TSHZ3: variants seen among roughly 807,000 people sequenced by gnomAD.
TSHZ3 encodes teashirt homolog 3.
In TSHZ3, 10 loss-of-function variants were observed where a neutral mutation model predicts 64.5. That is an observed-to-expected ratio of 0.16 (90% CI 0.10 to 0.26). TSHZ3 has a LOEUF of 0.26. Among genes scored for constraint, TSHZ3 ranks in the 10% least tolerant of loss-of-function variants. The pLI, the probability that TSHZ3 is intolerant of heterozygous loss-of-function variation, is 1.00. For synonymous variants in TSHZ3, 608 were observed against 593.1 expected, an observed-to-expected ratio of 1.03 and a Z score of -0.36; for missense variants, 1,242 against 1,421.7, an observed-to-expected ratio of 0.87 and a Z score of 2.03.
At chr19:31,201,759 A>T (rs966333135) in intron 5 of TSHZ3, among the ~76,000 whole-genome samples, 4 of 152,148 alleles carry the variant, frequency 2.6e-5, no homozygotes, top group African/African-American at 9.7e-5. Flanking sequence ...AAGAAATAAA[A>T]GTTGGAAATG....
chr19:31,225,333 C>T (rs1365805215), intron 4 of TSHZ3, among the ~76,000 whole-genome samples: 1 of 152,152 alleles, frequency 6.6e-6, no homozygotes, highest in East Asian at 1.9e-4. Flanking sequence ...GGGGGATAAG[C>T]TGAATATATT....
chr19:31,303,885 G>C (rs1976797542), intron 1 of TSHZ3, among the ~76,000 whole-genome samples: 1 of 152,132 alleles, frequency 6.6e-6, no homozygotes, highest in African/African-American at 2.4e-5. Flanking sequence ...CATGGATCCT[G>C]ACTAGGGCCA....
At chr19:31,164,855 T>G (rs1221062044) in intron 5 of TSHZ3, among the ~76,000 whole-genome samples, 2 of 152,152 alleles carry the variant, frequency 1.3e-5, no homozygotes, top group South Asian at 2.1e-4. Context: ...CCACCCATCG[T>G]CTTTGATTTA....
intron 1 of TSHZ3, among the ~76,000 whole-genome samples, chr19:31,303,348 G>A (rs879139423): frequency 6.6e-6 from 1 of 152,222 alleles, no homozygotes; most frequent in Non-Finnish European, 1.5e-5. Flanking sequence ...GACATTGGTC[G>A]TGCTGCAACA....
intron 5 of TSHZ3, among the ~76,000 whole-genome samples, chr19:31,191,553 T>C (rs756507864): frequency 3.3e-5 from 5 of 152,146 alleles, no homozygotes; most frequent in Non-Finnish European, 7.4e-5. Context: ...TTAGTCCACA[T>C]GACAGAAGGA....
At position 31,279,656 on chromosome 19, in the gene TSHZ3, A is replaced by G. The variant is rs1228128175; in HGVS notation, c.137T>C (p.Met46Thr). The G allele has an allele frequency of 1.2e-6, 2 of 1,606,944 alleles. No homozygotes were observed. Among genetic ancestry groups the G allele is most frequent in the African/African-American group, 1.3e-5 (1 of 74,718 alleles). The change falls in exon 2 of 2, where the codon ATG becomes ACG. Residue 46 changes from methionine to threonine, a missense_variant. By Grantham distance (81) the Met-to-Thr change is moderately conservative. Transcript: ENST00000240587. This position sits in a 1 kb window ranked among gnomAD's most constrained non-coding sequence, Gnocchi z 6.4. ...CCTGGCGAGCTCCTTCTCCGGGCAC[A>G]TGTACTTGGCCGAGGGCTCTCCATC... Reference protein sequence around the residue: ...TADGEPSAKYMCPEKELARAC... With the variant: ...TADGEPSAKYTCPEKELARAC...
intron 5 of TSHZ3, among the ~76,000 whole-genome samples, chr19:31,204,463 T>C (rs1169745855): frequency 6.6e-6 from 1 of 152,016 alleles, no homozygotes; most frequent in Non-Finnish European, 1.5e-5. Flanking sequence ...GGGAGGGGTG[T>C]GGTGGACAAA....
intron 5 of TSHZ3, among the ~76,000 whole-genome samples, chr19:31,159,477 G>A (rs1395410855): frequency 6.6e-6 from 1 of 152,066 alleles, no homozygotes; most frequent in Non-Finnish European, 1.5e-5. Flanking sequence ...TCACAATTGA[G>A]CTAAATAAAA....
intron 1 of TSHZ3, among the ~76,000 whole-genome samples, chr19:31,256,567 A>T (rs945510359): frequency 2.0e-5 from 3 of 152,232 alleles, no homozygotes; most frequent in African/African-American, 7.2e-5. Context: ...CACAGCAAAC[A>T]TGTACAGAGT....
At chr19:31,162,990 A>G (rs1004466172) in intron 5 of TSHZ3, among the ~76,000 whole-genome samples, 4 of 152,230 alleles carry the variant, frequency 2.6e-5, no homozygotes, top group Non-Finnish European at 5.9e-5. Context: ...CTCTCTCATT[A>G]TCTAGAGAAG....
At chr19:31,316,173 G>A (rs1916597348) in intron 1 of TSHZ3, among the ~76,000 whole-genome samples, 1 of 152,194 alleles carries the variant, frequency 6.6e-6, no homozygotes, top group Non-Finnish European at 1.5e-5. Flanking sequence ...GATGAAAGCA[G>A]CACCAACACC....
intron 1 of TSHZ3, among the ~76,000 whole-genome samples, chr19:31,254,474 G>A (rs904896786): frequency 3.9e-5 from 6 of 152,196 alleles, no homozygotes; most frequent in South Asian, 2.1e-4. Context: ...ACCAATCCCC[G>A]GGGCTGAAAT....
chr19:31,209,180 T>A (rs1404319785), intron 4 of TSHZ3, among the ~76,000 whole-genome samples: 1 of 152,090 alleles, frequency 6.6e-6, no homozygotes, highest in Non-Finnish European at 1.5e-5. Flanking sequence ...TGCCCGTGGG[T>A]GCCCAGCCAG....
intron 1 of TSHZ3, among the ~76,000 whole-genome samples, chr19:31,300,793 A>T (rs1976742604): frequency 6.6e-6 from 1 of 152,128 alleles, no homozygotes; most frequent in African/African-American, 2.4e-5. Context: ...ATTAATAATG[A>T]CACTCCTCCA....
intron 4 of TSHZ3, among the ~76,000 whole-genome samples, chr19:31,208,372 CA>C (rs1425692483): frequency 6.6e-6 from 1 of 152,146 alleles, no homozygotes; most frequent in East Asian, 1.9e-4. Flanking sequence ...TTCAGGCTCC[CA>C]AGAAAGAGAG....
intron 4 of TSHZ3, among the ~76,000 whole-genome samples, chr19:31,221,917 A>T (rs1008189652): frequency 2.0e-5 from 3 of 152,092 alleles, no homozygotes; most frequent in Non-Finnish European, 2.9e-5. Context: ...AGGTGTCAAG[A>T]ATGGGACCTT....
At chr19:31,271,167 T>C (rs1409150016), downstream of TSHZ3, among the ~76,000 whole-genome samples, 1 of 152,114 alleles carries the variant, frequency 6.6e-6, no homozygotes, top group Admixed American at 6.5e-5. Context: ...ATCTATTGTC[T>C]TGGCAGGGCA....
chr19:31,300,079 T>C (rs544985345), intron 1 of TSHZ3, among the ~76,000 whole-genome samples: 1 of 152,322 alleles, frequency 6.6e-6, no homozygotes, highest in South Asian at 2.1e-4. Context: ...TGTGTGTGTG[T>C]GTGAATTCTC....
intron 5 of TSHZ3, among the ~76,000 whole-genome samples, chr19:31,170,393 A>G (rs1974521189): frequency 6.6e-6 from 1 of 152,196 alleles, no homozygotes; most frequent in African/African-American, 2.4e-5. Flanking sequence ...ATCGCCTCAC[A>G]AAGGTCCCAT....
Sources: gnomAD v4.1 joint callset for allele counts (sites outside exome capture counted in the v4.1 genomes callset) on GRCh38, gnomAD v4.1.1 for gene constraint, Gnocchi (gnomAD v3.1) non-coding constraint, MANE v1.5 for transcripts, NCBI Gene and HGNC (gene_info 2026-07-23, HGNC 2026-07-21) for gene names.